The following DLGAP2 variants were observed in gnomAD, a reference collection of about 807,000 sequenced individuals.
DLGAP2 encodes disks large-associated protein 2.
DLGAP2 carries 26 observed loss-of-function variants against 100.3 expected under a neutral mutation model. The ratio of observed to expected loss-of-function variants is 0.26; its 90% CI spans 0.19 to 0.36. The LOEUF is 0.36. Ranked by LOEUF, DLGAP2 falls within the 10% of genes least tolerant of loss-of-function variation. The pLI is 1.00. For missense variants in DLGAP2, 1,858 were observed against 1,453.2 expected, an observed-to-expected ratio of 1.28 and a Z score of -4.53; for synonymous variants, 886 against 630.1, an observed-to-expected ratio of 1.41 and a Z score of -6.08.
chr8:1,376,608 C>T (rs376609142), intron 3 of DLGAP2, among the ~76,000 whole-genome samples: 2 of 152,068 alleles, frequency 1.3e-5, no homozygotes, highest in African/African-American at 4.8e-5. Flanking sequence ...AGTGGGGAGC[C>T]GGGTGACAGG....
chr8:1,682,623 C>T (rs942648624), intron 12 of DLGAP2, among the ~76,000 whole-genome samples: 9 of 146,802 alleles, frequency 6.1e-5, no homozygotes, highest in African/African-American at 1.5e-4. Flanking sequence ...TACAGACACG[C>T]ACCACAGCAC....
At chr8:1,452,008 C>T (rs975239022) in intron 3 of DLGAP2, among the ~76,000 whole-genome samples, 4 of 152,266 alleles carry the variant, frequency 2.6e-5, no homozygotes, top group South Asian at 4.1e-4. Context: ...ACCGGAACTG[C>T]GGTTTCTGCC....
chr8:1,187,655 C>A, intron 2 of DLGAP2, among the ~76,000 whole-genome samples: 1 of 140,236 alleles, frequency 7.1e-6, no homozygotes, highest in African/African-American at 2.6e-5. Flanking sequence ...TGGAATCTCA[C>A]GTGCCCGGGA....
chr8:1,582,221 CA>C (rs1217936610), intron 6 of DLGAP2, among the ~76,000 whole-genome samples: 1 of 137,808 alleles, frequency 7.3e-6, no homozygotes, highest in East Asian at 2.1e-4. Flanking sequence ...ACACCACAGT[CA>C]AACTACCAGA....
chr8:1,444,316 C>G (rs1024214975), intron 3 of DLGAP2, among the ~76,000 whole-genome samples: 2 of 152,230 alleles, frequency 1.3e-5, no homozygotes, highest in Non-Finnish European at 2.9e-5. Flanking sequence ...TATTAATGGG[C>G]ACTTACACGG....
At chr8:1,530,378 CAG>C (rs1200777902) in intron 4 of DLGAP2, among the ~76,000 whole-genome samples, 1 of 152,140 alleles carries the variant, frequency 6.6e-6, no homozygotes, top group Non-Finnish European at 1.5e-5. Flanking sequence ...CACCGGTGGT[CAG>C]AGTTTAAGGT....
intron 1 of DLGAP2, among the ~76,000 whole-genome samples, chr8:742,056 C>T (rs921460196): frequency 4.6e-5 from 7 of 152,134 alleles, no homozygotes; most frequent in Admixed American, 4.6e-4. Context: ...CCATCATTAC[C>T]CCGTGACTTT....
chr8:960,235 A>ATTTTTTTTT (rs1209692955), intron 2 of DLGAP2, among the ~76,000 whole-genome samples: 3 of 8,346 alleles, frequency 3.6e-4, no homozygotes, highest in Admixed American at 1.4e-3. Context: ...CCTGAAGTAT[A>ATTTTTTTTT]TCTTTTTTTT....
chr8:1,615,463 C>T (rs1344640111), intron 6 of DLGAP2, among the ~76,000 whole-genome samples: 2 of 152,134 alleles, frequency 1.3e-5, no homozygotes, highest in African/African-American at 4.8e-5. Flanking sequence ...CAAAACGAAG[C>T]CTGAGAAGAC....
chr8:1,209,379 A>T (rs180862328), intron 2 of DLGAP2, among the ~76,000 whole-genome samples: 2 of 152,156 alleles, frequency 1.3e-5, no homozygotes, highest in Non-Finnish European at 2.9e-5. Flanking sequence ...TTATTTGTTT[A>T]TTAGCTTTTT....
chr8:1,188,666 C>T lies in DLGAP2; in HGVS notation c.74-70185C>T, dbSNP rs76686075. 4.2e-3 allele frequency among the ~76,000 whole-genome samples: 644 copies of T among 152,264 alleles called. 1 individual carries two copies. The highest frequency in any genetic ancestry group is 0.015 in the African/African-American group (620 of 41,554). On this transcript the variant is annotated intron_variant, in intron 2 of 14. Coordinates refer to ENST00000637795, the MANE Select transcript of DLGAP2 (RefSeq NM_001346810.2). ...ATAGAACAGCGACTCATCCGCCCAG[C>T]ACTCCGGGGGCAGGAAGAGATGTTG...
intron 3 of DLGAP2, among the ~76,000 whole-genome samples, chr8:1,492,975 A>G (rs866060021): frequency 1.5e-4 from 23 of 152,318 alleles, no homozygotes; most frequent in Middle Eastern, 3.4e-3. Context: ...AACAGGTAGC[A>G]TTCCTTGGGG....
intron 2 of DLGAP2, among the ~76,000 whole-genome samples, chr8:989,744 T>C (rs1169961252): frequency 6.6e-6 from 1 of 152,208 alleles, no homozygotes; most frequent in Admixed American, 6.5e-5. Flanking sequence ...GGCTTAATCT[T>C]ATGAAATACA....
chr8:1,417,486 GT>G (rs1402967421), intron 3 of DLGAP2, among the ~76,000 whole-genome samples: 1 of 152,228 alleles, frequency 6.6e-6, no homozygotes, highest in Non-Finnish European at 1.5e-5. Flanking sequence ...TGTGGTAACA[GT>G]TTCCACGGGG....
At chr8:782,120 T>C (rs1008130508) in intron 1 of DLGAP2, among the ~76,000 whole-genome samples, 3 of 152,102 alleles carry the variant, frequency 2.0e-5, no homozygotes, top group Non-Finnish European at 4.4e-5. Flanking sequence ...GTGAAAGATA[T>C]CCCAGTTATC....
At chr8:741,650 G>A (rs1229948938) in intron 1 of DLGAP2, among the ~76,000 whole-genome samples, 1 of 152,274 alleles carries the variant, frequency 6.6e-6, no homozygotes, top group Non-Finnish European at 1.5e-5. Flanking sequence ...TTCTAGACCC[G>A]TTACTGCAGA....
intron 2 of DLGAP2, among the ~76,000 whole-genome samples, chr8:928,968 C>G (rs180797533): frequency 2.1e-5 from 3 of 145,260 alleles, no homozygotes; most frequent in African/African-American, 7.6e-5. Context: ...GATGAAGACC[C>G]CCCCCGCCAT....
chr8:1,484,650 T>A (rs903085096), intron 3 of DLGAP2, among the ~76,000 whole-genome samples: 6 of 152,262 alleles, frequency 3.9e-5, no homozygotes, highest in Non-Finnish European at 7.3e-5. Context: ...CAGGAATTTC[T>A]GGTGAAAGTG....
At chr8:782,142 A>G (rs1358666323) in intron 1 of DLGAP2, among the ~76,000 whole-genome samples, 1 of 152,186 alleles carries the variant, frequency 6.6e-6, no homozygotes, top group Admixed American at 6.5e-5. Context: ...TGATTTTATT[A>G]TATGAATGTA....
Sources: gnomAD v4.1 joint callset for allele counts (sites outside exome capture counted in the v4.1 genomes callset) on GRCh38, gnomAD v4.1.1 for gene constraint, MANE v1.5 for transcripts, NCBI Gene and HGNC (gene_info 2026-07-23, HGNC 2026-07-21) for gene names.